WWOX: variants seen among roughly 807,000 people sequenced by gnomAD.
WWOX encodes WW domain-containing oxidoreductase.
Under a neutral mutation model 46.2 loss-of-function variants are expected in WWOX, and 69 were observed. The ratio of observed to expected loss-of-function variants is 1.49; its 90% confidence interval spans 1.23 to 1.82. The LOEUF (loss-of-function observed/expected upper bound fraction) is 1.82, where lower values mean the gene tolerates loss of function less well. Among genes scored for constraint, WWOX ranks in the 40% most tolerant of loss-of-function variants. WWOX has a pLI of 0.00. For missense variants in WWOX, 919 were observed against 542.6 expected, an observed-to-expected ratio of 1.69 and a Z score of -6.89; for synonymous variants, 359 against 202.6, an observed-to-expected ratio of 1.77 and a Z score of -6.56.
chr16:78,927,729 C>G (rs13331069), intron 8 of WWOX, among the ~76,000 whole-genome samples: 23,644 of 152,026 alleles, frequency 0.16, 2,456 homozygotes, highest in African/African-American at 0.29. Context: ...GGGCTTGTAT[C>G]TTTTGTTTCT....
chr16:78,624,675 T>C (rs755328932), intron 8 of WWOX, among the ~76,000 whole-genome samples: 6 of 152,212 alleles, frequency 3.9e-5, no homozygotes, highest in Non-Finnish European at 8.8e-5. Context: ...TCACTTTTAT[T>C]GCAGCAAGAT....
chr16:79,200,830 G>A (rs572036060), intron 8 of WWOX, among the ~76,000 whole-genome samples: 2 of 152,328 alleles, frequency 1.3e-5, no homozygotes, highest in East Asian at 1.9e-4. Flanking sequence ...GAGAGGTGCT[G>A]GGGCCAGGTG....
chr16:78,924,036 T>C (rs142734220), intron 8 of WWOX, among the ~76,000 whole-genome samples: 66 of 152,112 alleles, frequency 4.3e-4, no homozygotes, highest in African/African-American at 1.5e-3. Context: ...AAGGATGGTT[T>C]TGATATCCTG....
chr16:78,332,528 G>C (rs910436395), intron 5 of WWOX, among the ~76,000 whole-genome samples: 42 of 152,156 alleles, frequency 2.8e-4, no homozygotes, highest in Admixed American at 2.6e-3. Flanking sequence ...AAGGTGAAAG[G>C]CTTATTCCAT....
chr16:78,708,878 A>T (rs1380675232), intron 8 of WWOX, among the ~76,000 whole-genome samples: 1 of 152,218 alleles, frequency 6.6e-6, no homozygotes, highest in Non-Finnish European at 1.5e-5. Flanking sequence ...CCCTCAGTAT[A>T]AGCTGGTTGT....
intron 8 of WWOX, among the ~76,000 whole-genome samples, chr16:78,991,921 A>G (rs1381992166): frequency 2.6e-5 from 4 of 152,120 alleles, no homozygotes; most frequent in Admixed American, 2.6e-4. Flanking sequence ...GCCTAACACA[A>G]TACCAGCCAC....
intron 8 of WWOX, among the ~76,000 whole-genome samples, chr16:78,482,458 G>C (rs2084518738): frequency 6.6e-6 from 1 of 152,162 alleles, no homozygotes; most frequent in South Asian, 2.1e-4. Context: ...CCTCACTTCA[G>C]GTGATCTGAC....
chr16:78,584,900 A>G (rs192248294), intron 8 of WWOX, among the ~76,000 whole-genome samples: 1 of 152,348 alleles, frequency 6.6e-6, no homozygotes, highest in Admixed American at 6.5e-5. Flanking sequence ...AGAATTTCCC[A>G]TTCATTGACA....
chr16:78,214,084 G>T (rs1308909390), intron 5 of WWOX, among the ~76,000 whole-genome samples: 8 of 152,124 alleles, frequency 5.3e-5, no homozygotes, highest in Non-Finnish European at 7.4e-5. Flanking sequence ...CTCCCCTGCT[G>T]CCCATGCCCT....
intron 4 of WWOX, among the ~76,000 whole-genome samples, chr16:78,145,523 C>T (rs992310109): frequency 1.3e-5 from 2 of 152,142 alleles, no homozygotes; most frequent in African/African-American, 2.4e-5. Flanking sequence ...CTTCTCCTGC[C>T]TGCTTTTCTC....
intron 8 of WWOX, among the ~76,000 whole-genome samples, chr16:78,667,298 C>T (rs980193239): frequency 2.0e-5 from 3 of 152,162 alleles, no homozygotes; most frequent in Admixed American, 2.0e-4. Context: ...CATTTTCAAG[C>T]TTGGACAGGC....
At chr16:78,885,314 A>T (rs577149072) in intron 8 of WWOX, among the ~76,000 whole-genome samples, 7 of 151,562 alleles carry the variant, frequency 4.6e-5, no homozygotes, top group South Asian at 2.1e-4. Context: ...TCTTATAAAT[A>T]TTTGAATAAC....
chr16:78,768,138 C>T (rs2049970312), intron 8 of WWOX, among the ~76,000 whole-genome samples: 1 of 136,424 alleles, frequency 7.3e-6, no homozygotes, highest in South Asian at 2.3e-4. Flanking sequence ...GGATTTTGTC[C>T]CTTTTTTAGG....
intron 8 of WWOX, among the ~76,000 whole-genome samples, chr16:78,875,167 G>C (rs146864335): frequency 7.2e-4 from 110 of 152,284 alleles, no homozygotes; most frequent in African/African-American, 2.5e-3. Flanking sequence ...AATGTTGCAA[G>C]ATTGCATGAG....
intron 8 of WWOX, among the ~76,000 whole-genome samples, chr16:79,087,557 G>C (rs935449276): frequency 2.0e-5 from 3 of 152,186 alleles, no homozygotes; most frequent in Admixed American, 6.5e-5. Flanking sequence ...GAGAAAGCCA[G>C]AGCAAGACTC....
intron 8 of WWOX, among the ~76,000 whole-genome samples, chr16:78,870,913 G>T (rs2737280): frequency 6.6e-6 from 1 of 152,068 alleles, no homozygotes; most frequent in Non-Finnish European, 1.5e-5. Flanking sequence ...AATCTAATCA[G>T]TTCCTTTAAA....
chr16:79,069,045 A>G (rs958770678), intron 8 of WWOX, among the ~76,000 whole-genome samples: 2 of 152,142 alleles, frequency 1.3e-5, no homozygotes, highest in African/African-American at 4.8e-5. Context: ...TTGACTTGGT[A>G]GAGTCATTTG....
At chr16:78,875,769 T>G (rs1481359634) in intron 8 of WWOX, among the ~76,000 whole-genome samples, 1 of 152,146 alleles carries the variant, frequency 6.6e-6, no homozygotes, top group East Asian at 1.9e-4. Context: ...CAGTGTAGGC[T>G]CTGCATGTCC....
At chr16:78,300,918 A>C (rs2080028877) in intron 5 of WWOX, among the ~76,000 whole-genome samples, 1 of 151,940 alleles carries the variant, frequency 6.6e-6, no homozygotes, top group Non-Finnish European at 1.5e-5. Context: ...CAGTTCATCT[A>C]TCTGTCCATC....
Sources: allele counts gnomAD v4.1 joint callset (sites outside exome capture counted in the v4.1 genomes callset), GRCh38; gene constraint gnomAD v4.1.1; transcripts MANE v1.5; gene names NCBI Gene and HGNC (gene_info 2026-07-23, HGNC 2026-07-21).